The following NPAS3 variants were observed in gnomAD, a reference collection of about 807,000 sequenced individuals.
The protein encoded by NPAS3 is neuronal PAS domain-containing protein 3.
A neutral mutation model predicts 73.1 loss-of-function variants in NPAS3; 14 were observed. The ratio of observed to expected loss-of-function variants is 0.19; its 90% CI spans 0.13 to 0.30. The LOEUF (loss-of-function observed/expected upper bound fraction) is 0.30. NPAS3 is among the 10% of genes least tolerant of loss of function. The pLI is 1.00. For missense variants in NPAS3, 1,096 were observed against 1,250.0 expected (o/e 0.88, Z 1.86); for synonymous variants, 620 against 541.5 (o/e 1.14, Z -2.01).
At chr14:33,173,905 A>G (rs2045489314) in intron 2 of NPAS3, among the ~76,000 whole-genome samples, 1 of 152,208 alleles carries the variant, frequency 6.6e-6, no homozygotes, top group South Asian at 2.1e-4. Flanking sequence ...AGAGAATTAC[A>G]AACATTGGGA....
chr14:33,326,285 C>T (rs183557723), intron 3 of NPAS3, among the ~76,000 whole-genome samples: 1 of 152,104 alleles, frequency 6.6e-6, no homozygotes, highest in Non-Finnish European at 1.5e-5. Flanking sequence ...TAAGCATTAA[C>T]AATTATGGCT....
chr14:33,306,114 A>G (rs1389352391), intron 3 of NPAS3, among the ~76,000 whole-genome samples: 5 of 152,202 alleles, frequency 3.3e-5, no homozygotes, highest in Non-Finnish European at 4.4e-5. Flanking sequence ...AAACTAGTAT[A>G]TAAAAAGAAT....
chr14:33,463,933 G>A (rs896110788), intron 4 of NPAS3, among the ~76,000 whole-genome samples: 2 of 152,100 alleles, frequency 1.3e-5, no homozygotes, highest in African/African-American at 2.4e-5. Flanking sequence ...CCTCAGTTGA[G>A]GTATGAGGGA....
intron 2 of NPAS3, among the ~76,000 whole-genome samples, chr14:33,165,599 A>G (rs1224176490): frequency 2.6e-5 from 4 of 152,144 alleles, no homozygotes; most frequent in Admixed American, 2.6e-4. Flanking sequence ...GCGTTGGCTG[A>G]TAATTTATTG....
intron 7 of NPAS3, among the ~76,000 whole-genome samples, chr14:33,742,125 T>C (rs1406260023): frequency 6.6e-6 from 1 of 152,190 alleles, no homozygotes; most frequent in East Asian, 1.9e-4. Context: ...TACAATGAGT[T>C]GTAAAGCAGA....
At position 33,544,804 on chromosome 14, in the gene NPAS3, ATATATATG is replaced by A. The variant is rs1191888675; in HGVS notation, c.469-15309_469-15302del. On this transcript the variant is annotated intron_variant, in intron 4 of 11. Coordinates refer to ENST00000356141, the Ensembl canonical transcript of NPAS3. ...GTGTGTGTATTATATATATATATATATATATATGTATATATAATATATATGTGTATATA... is the reference window on the plus strand; with the variant it reads ...GTGTGTGTATTATATATATATATATATATATATAATATATATGTGTATATA... Among the ~76,000 whole-genome samples the A allele has an allele frequency of 3.0e-4, 24 of 78,736 alleles. 5 individuals are homozygous for A. Among genetic ancestry groups the A allele is most frequent in the Non-Finnish European group, 4.3e-4 (19 of 43,814 alleles). The allele number at this position is 78,736 out of a possible 152,430, so 51.7% of individuals were successfully genotyped here.
chr14:33,498,913 T>TGA (rs1167526513), intron 4 of NPAS3, among the ~76,000 whole-genome samples: 162 of 145,154 alleles, frequency 1.1e-3, no homozygotes, highest in Admixed American at 6.5e-3. Flanking sequence ...TTTAAATGAA[T>TGA]GAGAGAGAGA....
chr14:33,015,432 A>G (rs1263494536), intron 1 of NPAS3, among the ~76,000 whole-genome samples: 1 of 152,236 alleles, frequency 6.6e-6, no homozygotes, highest in East Asian at 1.9e-4. Flanking sequence ...TCTGGAAACC[A>G]TAGTAATAAT....
intron 5 of NPAS3, among the ~76,000 whole-genome samples, chr14:33,628,577 A>G (rs1420102866): frequency 1.3e-5 from 2 of 152,228 alleles, no homozygotes; most frequent in Non-Finnish European, 2.9e-5. Flanking sequence ...CATTAGTTGC[A>G]TATCATCTTT....
chr14:33,549,392 C>T (rs984066273), intron 4 of NPAS3, among the ~76,000 whole-genome samples: 3 of 152,042 alleles, frequency 2.0e-5, no homozygotes, highest in Non-Finnish European at 4.4e-5. Flanking sequence ...GCACCAGAGC[C>T]GGCTACATTT....
chr14:33,744,394 G>A (rs1280522809), intron 7 of NPAS3, among the ~76,000 whole-genome samples: 1 of 152,136 alleles, frequency 6.6e-6, no homozygotes, highest in Non-Finnish European at 1.5e-5. Context: ...TATCAATTAA[G>A]TTCACCTCTT....
intron 4 of NPAS3, among the ~76,000 whole-genome samples, chr14:33,548,258 G>C (rs8005800): frequency 6.6e-6 from 1 of 151,966 alleles, no homozygotes; most frequent in South Asian, 2.1e-4. Flanking sequence ...TTTTAATAAG[G>C]CTAATAGTCA....
chr14:33,536,553 A>G (rs75576337), intron 4 of NPAS3, among the ~76,000 whole-genome samples: 202 of 152,286 alleles, frequency 1.3e-3, no homozygotes, highest in African/African-American at 4.6e-3. Flanking sequence ...GGCTTTAGCT[A>G]TGCAGTTCCC....
chr14:33,752,231 G>A (rs1301777537), intron 7 of NPAS3, among the ~76,000 whole-genome samples: 1 of 152,122 alleles, frequency 6.6e-6, no homozygotes, highest in Admixed American at 6.6e-5. Flanking sequence ...GCTTTCAGCT[G>A]CTTCATTTTA....
chr14:33,524,504 T>C (rs1364350896), intron 4 of NPAS3, among the ~76,000 whole-genome samples: 1 of 152,198 alleles, frequency 6.6e-6, no homozygotes, highest in African/African-American at 2.4e-5. Context: ...AGTTAATCAA[T>C]AATCTGCCAA....
chr14:33,566,347 C>T (rs565258565), intron 5 of NPAS3, among the ~76,000 whole-genome samples: 27 of 152,086 alleles, frequency 1.8e-4, no homozygotes, highest in Non-Finnish European at 1.3e-4. Context: ...ACTTTGTCTA[C>T]GTTCTGACTT....
chr14:33,448,285 A>C (rs1480668253), intron 4 of NPAS3, among the ~76,000 whole-genome samples: 1 of 152,230 alleles, frequency 6.6e-6, no homozygotes. Context: ...ATAAAGTTTT[A>C]AAAGAAGAAA....
chr14:33,162,427 C>A (rs548517481), intron 2 of NPAS3, among the ~76,000 whole-genome samples: 19 of 152,156 alleles, frequency 1.2e-4, no homozygotes, highest in Admixed American at 1.2e-3. Flanking sequence ...ATTTACATAG[C>A]CTCAGGTCAC....
intron 2 of NPAS3, among the ~76,000 whole-genome samples, chr14:33,176,715 A>T (rs909756501): frequency 6.6e-6 from 1 of 152,088 alleles, no homozygotes; most frequent in Admixed American, 6.5e-5. Context: ...TCTGATTTCC[A>T]TTATTTTGAA....
Sources: gnomAD v4.1 joint callset for allele counts (sites outside exome capture counted in the v4.1 genomes callset) on GRCh38, gnomAD v4.1.1 for gene constraint, MANE v1.5 for transcripts, NCBI Gene and HGNC (gene_info 2026-07-23, HGNC 2026-07-21) for gene names.